ASTN2: variants seen among roughly 807,000 people sequenced by gnomAD.
ASTN2 encodes astrotactin-2.
In ASTN2, 54 loss-of-function variants were observed where a neutral mutation model predicts 139.8. The ratio of observed to expected loss-of-function variants is 0.39; its 90% CI spans 0.31 to 0.48. The LOEUF is 0.48. Among genes scored for constraint, ASTN2 ranks in the 20% least tolerant of loss-of-function variants. The probability of loss-of-function intolerance (pLI) is 0.95; values close to 1 mark genes in which losing one functional copy is unlikely to be tolerated. For synonymous variants in ASTN2, 756 were observed against 719.5 expected (o/e 1.05, Z -0.81); for missense variants, 1,565 against 1,725.1 (o/e 0.91, Z 1.64).
rs751612533 is a variant in ASTN2 at position 116,862,807 on chromosome 9, T to TACACACACAC, written c.2040+766_2040+775dup. Among the ~76,000 whole-genome samples, 732 of 90,902 alleles carry TACACACACAC rather than the reference T, an allele frequency of 8.1e-3. 5 individuals are homozygous for TACACACACAC. Among genetic ancestry groups the TACACACACAC allele is most frequent in the East Asian group, 0.024 (74 of 3,082 alleles). 59.6% of individuals were successfully genotyped at this position (90,902 alleles called of 152,430 possible). A position where few individuals can be genotyped will look rare whatever the true frequency, so the allele number is the denominator to read the frequency against. On this transcript the variant is annotated intron_variant, in intron 11 of 22. Coordinates refer to ENST00000313400, the MANE Select transcript of ASTN2 (RefSeq NM_001365068.1). ...TTCAAGATACCCCAACACACACAAA[T>TACACACACAC]ACACACACACACACACACACACACA...
chr9:117,032,047 C>T (rs1398855042), intron 6 of ASTN2, among the ~76,000 whole-genome samples: 1 of 152,058 alleles, frequency 6.6e-6, no homozygotes, highest in East Asian at 1.9e-4. Flanking sequence ...AGGACTGTGG[C>T]AGTTGTCTCA....
At chr9:117,350,406 C>T (rs558778711) in intron 1 of ASTN2, among the ~76,000 whole-genome samples, 68 of 151,752 alleles carry the variant, frequency 4.5e-4, no homozygotes, top group Non-Finnish European at 6.9e-4. Context: ...AAAAATTAGC[C>T]AAGCGTGGTC....
chr9:116,567,772 T>C (rs1438143807), intron 19 of ASTN2, among the ~76,000 whole-genome samples: 1 of 152,170 alleles, frequency 6.6e-6, no homozygotes, highest in Non-Finnish European at 1.5e-5. Flanking sequence ...CTACTAGTTA[T>C]TGAATAACTG....
chr9:116,938,063 ACTTTC>A (rs1283829909), intron 10 of ASTN2, among the ~76,000 whole-genome samples: 1 of 152,192 alleles, frequency 6.6e-6, no homozygotes, highest in Non-Finnish European at 1.5e-5. Context: ...TAAGTTGGTA[ACTTTC>A]CTTTGTTCAA....
chr9:117,370,391 C>G (rs1203577536), intron 1 of ASTN2, among the ~76,000 whole-genome samples: 1 of 152,166 alleles, frequency 6.6e-6, no homozygotes. Context: ...CACACGGCCT[C>G]TAAGCTGTTG....
chr9:116,772,802 C>G (rs1018912906), intron 13 of ASTN2, among the ~76,000 whole-genome samples: 1 of 151,862 alleles, frequency 6.6e-6, no homozygotes, highest in African/African-American at 2.4e-5. Context: ...TCATCAGGAC[C>G]TGATTCCAGT....
At chr9:117,064,613 G>A (rs2132694370) in intron 5 of ASTN2, among the ~76,000 whole-genome samples, 1 of 152,206 alleles carries the variant, frequency 6.6e-6, no homozygotes, top group African/African-American at 2.4e-5. Flanking sequence ...TGTACCCATG[G>A]ACATATAGAG....
chr9:117,414,786 G>T lies in ASTN2; in HGVS notation c.153C>A (p.Ala51=). 8.0e-7 allele frequency: 1 copy of T among 1,252,248 alleles called. No homozygotes were observed. The highest frequency in any genetic ancestry group is 2.4e-5 in the South Asian group (1 of 41,532). 77.6% of individuals were successfully genotyped at this position (1,252,248 alleles called of 1,614,324 possible). A position where few individuals can be genotyped will look rare whatever the true frequency, so the allele number is the denominator to read the frequency against. Residue 51 remains alanine, a synonymous_variant, in exon 1 of 23, where the codon GCC becomes GCA. Transcript: ENST00000313400. The surrounding 1 kb of genome is among the most constrained non-coding windows in gnomAD (Gnocchi z 4.2). ...CGGGCTCCCGCGAGGCAGCGGCGGT[G>T]GCGCCGGCCAGCAGCGGCGGCGGCG... is the stretch of plus-strand genomic sequence containing the variant. ...LLPPPPLLAG[A]TAAASREPDS...
chr9:116,434,187 G>C (rs961862207), intron 22 of ASTN2, among the ~76,000 whole-genome samples: 1 of 152,146 alleles, frequency 6.6e-6, no homozygotes, highest in African/African-American at 2.4e-5. Context: ...TTCAAGAAAA[G>C]AGGAATACAA....
In ASTN2 at chr9:116,783,280, TCCTTCCTTCCTTCCTTCCTC is replaced by T. The variant is rs879302808; in HGVS notation, c.2396+22332_2396+22351del. Among the ~76,000 whole-genome samples, 238 of 130,692 alleles carry T rather than the reference TCCTTCCTTCCTTCCTTCCTC, an allele frequency of 1.8e-3. 1 individual carries two copies. The highest frequency in any genetic ancestry group is 2.5e-3 in the Non-Finnish European group (155 of 60,910). The allele number at this position is 130,692 out of a possible 152,430, so 85.7% of individuals were successfully genotyped here. ...TAAAATCTTTCCTTCCTTCCTTCCTTCCTTCCTTCCTTCCTTCCTCCCTCCCTCCCTCCCTCTCTCCCTCT... is the reference window on the plus strand; with the variant it reads ...TAAAATCTTTCCTTCCTTCCTTCCTTCCTCCCTCCCTCCCTCTCTCCCTCT... On this transcript the variant is annotated intron_variant, in intron 13 of 22. Coordinates refer to ENST00000313400, the MANE Select transcript of ASTN2 (RefSeq NM_001365068.1).
intron 2 of ASTN2, among the ~76,000 whole-genome samples, chr9:117,239,670 T>C (rs1833149876): frequency 6.6e-6 from 1 of 152,196 alleles, no homozygotes; most frequent in Admixed American, 6.5e-5. Context: ...TTCCATTTCT[T>C]TGAAGGCAAA....
chr9:117,149,015 T>G (rs1830266333), intron 3 of ASTN2, among the ~76,000 whole-genome samples: 1 of 151,634 alleles, frequency 6.6e-6, no homozygotes, highest in South Asian at 2.1e-4. Context: ...AATTTTAAAT[T>G]TATTTTTATT....
chr9:117,333,187 C>T (rs1236203286), intron 1 of ASTN2, among the ~76,000 whole-genome samples: 2 of 151,408 alleles, frequency 1.3e-5, no homozygotes, highest in African/African-American at 2.5e-5. Flanking sequence ...TGAACCCATG[C>T]CTGGAAGGCT....
At chr9:117,074,351 C>G (rs1828217877) in intron 5 of ASTN2, among the ~76,000 whole-genome samples, 1 of 152,142 alleles carries the variant, frequency 6.6e-6, no homozygotes, top group African/African-American at 2.4e-5. Flanking sequence ...CATGCCACCA[C>G]AGTGACATTT....
chr9:116,866,277 G>A (rs945006128), intron 10 of ASTN2, among the ~76,000 whole-genome samples: 2 of 152,182 alleles, frequency 1.3e-5, no homozygotes, highest in Non-Finnish European at 2.9e-5. Flanking sequence ...TCACCAATGA[G>A]TACTTTTACT....
At chr9:116,945,182 G>A (rs984702125) in intron 10 of ASTN2, among the ~76,000 whole-genome samples, 10 of 152,144 alleles carry the variant, frequency 6.6e-5, no homozygotes, top group African/African-American at 2.4e-4. Context: ...TAAGAGAAAG[G>A]TGAACTTTTC....
intron 10 of ASTN2, among the ~76,000 whole-genome samples, chr9:116,934,681 T>G (rs1184949812): frequency 1.3e-5 from 2 of 152,162 alleles, no homozygotes; most frequent in African/African-American, 4.8e-5. Context: ...GCTTAATACC[T>G]GGGTAATAAA....
chr9:117,031,542 C>T (rs998130398), intron 6 of ASTN2, among the ~76,000 whole-genome samples: 1 of 152,022 alleles, frequency 6.6e-6, no homozygotes, highest in African/African-American at 2.4e-5. Context: ...CCTTATGGAA[C>T]TTGAAACCTA....
chr9:117,010,431 G>C (rs374194305), intron 6 of ASTN2, among the ~76,000 whole-genome samples: 3 of 152,242 alleles, frequency 2.0e-5, no homozygotes. Context: ...TTGTGTCCCA[G>C]GGCTGAGTTT....
Sources: allele counts gnomAD v4.1 joint callset (sites outside exome capture counted in the v4.1 genomes callset), GRCh38; gene constraint gnomAD v4.1.1; non-coding constraint Gnocchi (gnomAD v3.1); transcripts MANE v1.5; gene names NCBI Gene and HGNC (gene_info 2026-07-23, HGNC 2026-07-21).